MANEA: variants seen among roughly 807,000 people sequenced by gnomAD.
MANEA encodes mannosidase endo-alpha.
A neutral mutation model predicts 36.8 loss-of-function variants in MANEA; 25 were observed. That is an observed-to-expected ratio of 0.68 (90% CI 0.50 to 0.95). MANEA has a LOEUF of 0.95. MANEA is among the 40% of genes least tolerant of loss of function. The pLI, the probability that MANEA is intolerant of heterozygous loss-of-function variation, is 0.00. For synonymous variants in MANEA, 198 were observed against 188.5 expected (o/e 1.05, Z -0.41); for missense variants, 565 against 558.8 (o/e 1.01, Z -0.11).
intron 3 of MANEA, among the ~76,000 whole-genome samples, chr6:95,601,130 A>G (rs1044888162): frequency 3.3e-5 from 5 of 152,174 alleles, no homozygotes; most frequent in African/African-American, 1.2e-4. Context: ...TTTAAAGTAT[A>G]CTTGTCTGCA....
At chr6:95,590,406 C>T (rs1485489592) in intron 2 of MANEA, among the ~76,000 whole-genome samples, 1 of 152,156 alleles carries the variant, frequency 6.6e-6, no homozygotes, top group Non-Finnish European at 1.5e-5. Flanking sequence ...TTGTTTTCAT[C>T]ATTGTTGCTT....
intron 1 of MANEA, among the ~76,000 whole-genome samples, chr6:95,580,219 CAT>C (rs146691044): frequency 1.8e-4 from 27 of 151,410 alleles, no homozygotes; most frequent in Admixed American, 2.6e-4. Context: ...CACAGATATA[CAT>C]ATATATATAT....
intron 2 of MANEA, among the ~76,000 whole-genome samples, chr6:95,592,929 C>CA (rs1037368049): frequency 6.6e-5 from 10 of 151,712 alleles, no homozygotes; most frequent in South Asian, 6.2e-4. Flanking sequence ...TTACTAACAA[C>CA]AAAAAAAATT....
At chr6:95,582,683 A>T (rs1769204898) in intron 1 of MANEA, among the ~76,000 whole-genome samples, 1 of 152,242 alleles carries the variant, frequency 6.6e-6, no homozygotes, top group African/African-American at 2.4e-5. Context: ...CTTTTCCTGC[A>T]TATTCACCAT....
At position 95,604,827 on chromosome 6, in the gene MANEA, G is replaced by A. The variant is rs1554210569; in HGVS notation, c.655G>A (p.Val219Ile). The A allele has an allele frequency of 7.2e-7, 1 of 1,395,118 alleles. No homozygotes were observed. The highest frequency in any genetic ancestry group is 9.7e-7 in the Non-Finnish European group (1 of 1,026,810). The allele number at this position is 1,395,118 out of a possible 1,614,324, so 86.4% of individuals were successfully genotyped here. Reference sequence around the variant, plus strand: ...TAACTGATTTTATTGTTTGTTTTAGGTTACTTTTCACATAGAACCATATAG... The same window carrying A: ...TAACTGATTTTATTGTTTGTTTTAGATTACTTTTCACATAGAACCATATAG... The part of the protein sequence containing the change: ...LDKAHKYNLK[V>I]TFHIEPYSNR... Residue 219 changes from valine to isoleucine, a missense_variant and splice_region_variant, in exon 4 of 5, where the codon GTT becomes ATT. Coordinates refer to ENST00000358812, the MANE Select transcript of MANEA (RefSeq NM_024641.4).
In MANEA at chr6:95,605,769, T is replaced by A. The variant is rs771794410; in HGVS notation, c.753T>A (p.Phe251Leu). Residue 251 changes from phenylalanine (F) to leucine (L), a missense_variant, in exon 5 of 5, where the codon TTT (phenylalanine) becomes TTA (leucine). Phe to Leu is a conservative substitution (Grantham distance 22, BLOSUM62 0). Transcript: ENST00000358812. The part of the protein sequence containing the change: ...IIDKYGNHPA[F>L]YRYKTKTGNA... ...CTAGATATGGAAATCATCCGGCCTTTTACAGGTACAAGACGAAGACTGGCA... is the reference window on the plus strand; with the variant it reads ...CTAGATATGGAAATCATCCGGCCTTATACAGGTACAAGACGAAGACTGGCA... 4.3e-6 allele frequency: 7 copies of A among 1,610,566 alleles called. No individual in the cohort carries two copies. The highest frequency in any genetic ancestry group is 5.9e-6 in the Non-Finnish European group (7 of 1,177,428).
rs764973822 is a variant in MANEA, at chr6:95,606,382, G to A, written c.1366G>A (p.Asp456Asn). 1 of 1,596,502 alleles carries A rather than the reference G, an allele frequency of 6.3e-7. No individual in the cohort carries two copies. The highest frequency in any genetic ancestry group is 1.7e-5 in the Admixed American group (1 of 59,430). Residue 456 changes from aspartate (D) to asparagine (N), a missense_variant, in exon 5 of 5, where the codon GAT becomes AAT. Physicochemically the swap from Asp to Asn is conservative, Grantham distance 23. Coordinates refer to ENST00000358812, the MANE Select transcript of MANEA (RefSeq NM_024641.4). ...TAAGGAAAGAGCAACTTATGCATTA[G>A]ATCGCCAGCTGCCTGTTTCTTAATG... ...YSKERATYAL[D>N]RQLPVS
chr6:95,590,017 T>G (rs1769359755), intron 2 of MANEA: 1 of 152,124 alleles, frequency 6.6e-6, no homozygotes, highest in South Asian at 2.1e-4. Flanking sequence ...AAGAAGTTCA[T>G]GAGCCAAAGA....
chr6:95,586,949 AACTC>A lies in MANEA; in HGVS notation c.513_516del (p.His172Ter), dbSNP rs1769296166. On this transcript the variant is annotated frameshift_variant, in exon 2 of 5. Coordinates refer to ENST00000358812, the MANE Select transcript of MANEA (RefSeq NM_024641.4). LOFTEE classifies it high-confidence loss of function. ...GTTCTCGGGATCCTTCTGTCATAGA[AACTC>A]ACATGAGACAAATGCGCTCAGCTTC... 1 of 1,611,770 alleles carries A rather than the reference AACTC, an allele frequency of 6.2e-7. No homozygotes were observed. Among genetic ancestry groups the A allele is most frequent in the South Asian group, 1.1e-5 (1 of 91,054 alleles).
chr6:95,586,974 G>T lies in MANEA; in HGVS notation c.535G>T (p.Ala179Ser), dbSNP rs200517402. 81 of 1,581,508 alleles carry T rather than the reference G, an allele frequency of 5.1e-5. No homozygotes were observed. The highest frequency in any genetic ancestry group is 9.6e-5 in the African/African-American group (7 of 72,750). Residue 179 changes from alanine to serine, a missense_variant, in exon 2 of 5, where the codon GCT becomes TCT. By Grantham distance (99) the Ala-to-Ser change is moderately conservative. Transcript: ENST00000358812. ...IETHMRQMRS[A>S]SIGVLALSWY... is the part of the protein sequence containing the mutation. ...AACTCACATGAGACAAATGCGCTCAGCTTCAATTGGTAATTATTGTATATA... is the reference window on the plus strand; with the variant it reads ...AACTCACATGAGACAAATGCGCTCATCTTCAATTGGTAATTATTGTATATA...
intron 3 of MANEA, among the ~76,000 whole-genome samples, chr6:95,599,239 G>A (rs1054332087): frequency 6.6e-6 from 1 of 152,002 alleles, no homozygotes; most frequent in Admixed American, 6.6e-5. Flanking sequence ...GATAAAGGGT[G>A]TCTCTTAGTA....
chr6:95,585,689 T>A (rs1224446012), intron 1 of MANEA, among the ~76,000 whole-genome samples: 1 of 152,188 alleles, frequency 6.6e-6, no homozygotes, highest in Non-Finnish European at 1.5e-5. Context: ...ATTTAAAAAA[T>A]TTTGTCTGAT....
intron 4 of MANEA, among the ~76,000 whole-genome samples, chr6:95,605,266 A>T (rs1582231890): frequency 6.6e-6 from 1 of 152,170 alleles, no homozygotes; most frequent in East Asian, 1.9e-4. Flanking sequence ...CTTTTAACAC[A>T]GTAGACCCAG....
rs1769633461 is a variant in MANEA at position 95,603,219 on chromosome 6, A to G, written c.655-1608A>G. 2.0e-5 allele frequency among the ~76,000 whole-genome samples: 3 copies of G among 152,206 alleles called. No individual in the cohort carries two copies. In the South Asian group the frequency reaches 6.2e-4, roughly 32 times the overall value. ...GCTGTAAAAGCAAATTCATTTTGAT[A>G]TAGGATATTTCAAGTTGGATATTGC... On this transcript the variant is annotated intron_variant, in intron 3 of 4. Coordinates refer to ENST00000358812, the MANE Select transcript of MANEA (RefSeq NM_024641.4).
At chr6:95,599,872 G>A (rs958295916) in intron 3 of MANEA, among the ~76,000 whole-genome samples, 1 of 152,198 alleles carries the variant, frequency 6.6e-6, no homozygotes, top group Non-Finnish European at 1.5e-5. Context: ...CTTTCAGTGA[G>A]TTCTTATTGG....
rs750946261 is a variant in MANEA at position 95,586,437 on chromosome 6, A to G, written c.-3A>G. ...ACTATTTTGGAGTTTAAAGTATGTC[A>G]TCATGGCAAAGTTTCGGAGAAGGAC... On this transcript the variant is annotated 5_prime_UTR_variant, in exon 2 of 5. Transcript: ENST00000358812. 14 of 1,602,892 alleles carry G rather than the reference A, an allele frequency of 8.7e-6. 1 individual carries two copies. The South Asian group carries it at 1.3e-4, about 15-fold the overall frequency.
chr6:95,605,663 C>T (rs2127946079), intron 4 of MANEA, 85 bp from the exon 5 acceptor site: 2 of 931,290 alleles, frequency 2.1e-6, no homozygotes, highest in Admixed American at 2.1e-5. Flanking sequence ...ACTGCACTGA[C>T]TCCTTCATTT....
Position 95,604,840 on chromosome 6 carries a change from T to G in MANEA, c.668T>G (p.Ile223Arg), listed in dbSNP as rs560026341. The change falls in exon 4 of 5, where the codon ATA becomes AGA. Residue 223 changes from isoleucine to arginine, a missense_variant. Physicochemically the swap from Ile to Arg is moderately conservative, Grantham distance 97 (BLOSUM62 -3). Coordinates refer to ENST00000358812, the MANE Select transcript of MANEA (RefSeq NM_024641.4). ...TGTTTGTTTTAGGTTACTTTTCACATAGAACCATATAGCAATCGAGATGAT... is the reference window on the plus strand; with the variant it reads ...TGTTTGTTTTAGGTTACTTTTCACAGAGAACCATATAGCAATCGAGATGAT... ...HKYNLKVTFH[I>R]EPYSNRDDQN... 5.1e-5 allele frequency: 75 copies of G among 1,461,412 alleles called. No individual in the cohort carries two copies. The South Asian group carries it at 6.1e-4, about 12-fold the overall frequency. 90.5% of individuals were successfully genotyped at this position (1,461,412 alleles called of 1,614,324 possible).
chr6:95,602,575 G>A (rs1769612729), intron 3 of MANEA, among the ~76,000 whole-genome samples: 1 of 151,860 alleles, frequency 6.6e-6, no homozygotes, highest in African/African-American at 2.4e-5. Context: ...ATGAAATGAG[G>A]GAATGTTTAT....
Sources: gnomAD v4.1 joint callset for allele counts (sites outside exome capture counted in the v4.1 genomes callset) on GRCh38, gnomAD v4.1.1 for gene constraint, MANE v1.5 for transcripts, NCBI Gene and HGNC (gene_info 2026-07-23, HGNC 2026-07-21) for gene names.